CABIN1: variants seen among roughly 807,000 people sequenced by gnomAD.
CABIN1 encodes the protein calcineurin binding protein 1.
A neutral mutation model predicts 227.7 loss-of-function variants in CABIN1; 133 were observed. That is an observed-to-expected ratio of 0.58 (90% CI 0.51 to 0.67). The LOEUF (loss-of-function observed/expected upper bound fraction) is 0.67, where lower values mean the gene tolerates loss of function less well. Among genes scored for constraint, CABIN1 ranks in the 30% least tolerant of loss-of-function variants. The pLI is 0.00. For synonymous variants in CABIN1, 1,086 were observed against 1,155.1 expected (o/e 0.94, Z 1.21); for missense variants, 2,408 against 2,852.5 (o/e 0.84, Z 3.55).
intron 28 of CABIN1, among the ~76,000 whole-genome samples, chr22:24,120,497 T>C (rs2043346403): frequency 6.6e-6 from 1 of 152,146 alleles, no homozygotes; most frequent in South Asian, 2.1e-4. Flanking sequence ...CTGCACCATG[T>C]AGCTACATTC....
intron 28 of CABIN1, among the ~76,000 whole-genome samples, chr22:24,125,357 C>T (rs187399185): frequency 1.8e-3 from 271 of 152,340 alleles, no homozygotes; most frequent in Middle Eastern, 0.014. Context: ...TGAACCCCCA[C>T]CCCTTGCCCC....
At chr22:24,015,093 G>A (rs539324935) in intron 1 of CABIN1, among the ~76,000 whole-genome samples, 4 of 151,288 alleles carry the variant, frequency 2.6e-5, no homozygotes, top group South Asian at 4.2e-4. Flanking sequence ...GTGAAACCCC[G>A]TCTCTACTAA....
rs564863601 is a variant in CABIN1, at chr22:24,171,859, T to C, written c.5904T>C (p.Pro1968=). The change falls in exon 34 of 37, where the codon CCT becomes CCC. Residue 1968 remains proline, a synonymous_variant. Transcript: ENST00000263119. ...RPSDAHTKPR[P]ALAAATTIIT... ...GTGATGCTCACACCAAGCCTCGCCC[T>C]GCACTAGCTGCCGCCACAACTATTA... is the stretch of plus-strand genomic sequence containing the variant. 2.5e-6 allele frequency: 4 copies of C among 1,614,100 alleles called. No homozygotes were observed. In the East Asian group the frequency reaches 8.9e-5, roughly 36 times the overall value.
In CABIN1 at chr22:24,163,212, A is replaced by G. The variant is rs545929755; in HGVS notation, c.4747-1188A>G. ...CTGCAGGTGGACCCTCCATGTCACA[A>G]CAGGAGCCAGTGTAGAGGCCACAGG... On this transcript the variant is annotated intron_variant, in intron 29 of 36. Transcript: ENST00000263119. 9.3e-4 allele frequency among the ~76,000 whole-genome samples: 141 copies of G among 152,262 alleles called. 1 individual carries two copies. Among genetic ancestry groups the G allele is most frequent in the African/African-American group, 3.2e-3 (134 of 41,548 alleles).
intron 29 of CABIN1, among the ~76,000 whole-genome samples, chr22:24,150,208 C>T (rs561741810): frequency 9.2e-5 from 14 of 152,366 alleles, no homozygotes; most frequent in East Asian, 7.7e-4. Flanking sequence ...ATGAGCACCA[C>T]TTCCAGCTCT....
intron 30 of CABIN1, 59 bp from the exon 31 acceptor site, chr22:24,165,471 A>C (rs2046390664): frequency 6.9e-7 from 1 of 1,447,600 alleles, no homozygotes; most frequent in African/African-American, 1.4e-5. Flanking sequence ...ACCATCCAGC[A>C]GTGCCATGTG....
chr22:24,155,059 CAT>C (rs1392392674), intron 29 of CABIN1, among the ~76,000 whole-genome samples: 1 of 152,158 alleles, frequency 6.6e-6, no homozygotes, highest in East Asian at 1.9e-4. Context: ...CTTGGGGCAG[CAT>C]CTCTCTCACC....
At chr22:24,143,728 G>A (rs1356837015) in intron 29 of CABIN1, among the ~76,000 whole-genome samples, 4 of 152,166 alleles carry the variant, frequency 2.6e-5, no homozygotes, top group Non-Finnish European at 2.9e-5. Flanking sequence ...TAGCATGTCC[G>A]TGAGGCTTAG....
At chr22:24,168,109 A>G (rs1473751481) in intron 32 of CABIN1, among the ~76,000 whole-genome samples, 1 of 152,220 alleles carries the variant, frequency 6.6e-6, no homozygotes, top group African/African-American at 2.4e-5. Flanking sequence ...TAACTCAGCC[A>G]TAGAAATGAA....
At chr22:24,170,563 C>T (rs1388230769) in intron 33 of CABIN1, among the ~76,000 whole-genome samples, 3 of 152,188 alleles carry the variant, frequency 2.0e-5, no homozygotes, top group East Asian at 3.9e-4. Flanking sequence ...CCTCCTGCCC[C>T]GCACTCCCAC....
rs949518117 is a variant in CABIN1 at position 24,176,216 on chromosome 22, C to G, written c.6146C>G (p.Pro2049Arg). ...KMAPTSSPAE[P>R]HCWPAEAALG... is the part of the protein sequence containing the mutation. ...GCCCCCACAAGTTCCCCGGCAGAGC[C>G]ACACTGCTGGCCGGCAGAGGCTGCC... Residue 2049 changes from proline to arginine, a missense_variant, in exon 35 of 37, where the codon CCA becomes CGA. By Grantham distance (103) the Pro-to-Arg change is moderately radical. Around this residue, in one of 3 missense-constraint regions of CABIN1, gnomAD observed 714 missense variants for 773.8 expected, o/e 0.92. Coordinates refer to ENST00000263119, the MANE Select transcript of CABIN1 (RefSeq NM_012295.4). 8 of 1,610,572 alleles carry G rather than the reference C, an allele frequency of 5.0e-6. No homozygotes were observed. In the African/African-American group the frequency reaches 1.1e-4, roughly 22 times the overall value.
chr22:24,147,381 C>T lies in CABIN1; in HGVS notation c.4746+12966C>T, dbSNP rs1030051207. On this transcript the variant is annotated intron_variant, in intron 29 of 36. Transcript: ENST00000263119. ...CCTCCCTGCTTCCCTGCCTCCCTCCCTCCGTTCCTCCCTTCCTTCCTTCCC... is the reference window on the plus strand; with the variant it reads ...CCTCCCTGCTTCCCTGCCTCCCTCCTTCCGTTCCTCCCTTCCTTCCTTCCC... 6.1e-5 allele frequency among the ~76,000 whole-genome samples: 9 copies of T among 148,210 alleles called. 1 individual carries two copies. The highest frequency in any genetic ancestry group is 4.0e-4 in the East Asian group (2 of 4,988).
chr22:24,167,071 A>T lies in CABIN1; in HGVS notation c.5440A>T (p.Thr1814Ser). The T allele has an allele frequency of 6.5e-7, 1 of 1,543,766 alleles. No individual in the cohort carries two copies. Among genetic ancestry groups the T allele is most frequent in the South Asian group, 1.2e-5 (1 of 83,806 alleles). ...TGCCCGGCAGCAGCCCACCCCGCTC[A>T]CCCCAGCCCAGCCAGCCCCCGCCCC... ...ISARQQPTPL[T>S]PAQPAPAPAP... The change falls in exon 32 of 37, where the codon ACC becomes TCC. Residue 1814 changes from threonine (T) to serine (S), a missense_variant. By Grantham distance (58) the Thr-to-Ser change is moderately conservative. Transcript: ENST00000263119.
intron 1 of CABIN1, among the ~76,000 whole-genome samples, chr22:24,011,920 G>A (rs1339802979): frequency 6.6e-6 from 1 of 152,206 alleles, no homozygotes; most frequent in Non-Finnish European, 1.5e-5. Context: ...CAAGGTATCT[G>A]CACAAGTGGC....
At position 24,098,099 on chromosome 22, in the gene CABIN1, G is replaced by C; in HGVS notation, c.4024G>C (p.Gly1342Arg). The change falls in exon 26 of 37, where the codon GGC becomes CGC. Residue 1342 changes from glycine (G) to arginine (R), a missense_variant. Physicochemically the swap from Gly to Arg is moderately radical, Grantham distance 125 (BLOSUM62 -2). Around this residue, in one of 3 missense-constraint regions of CABIN1, gnomAD observed 649 missense variants for 910.3 expected, o/e 0.71. Coordinates refer to ENST00000263119, the MANE Select transcript of CABIN1 (RefSeq NM_012295.4). ...CGGAGCCTCCCTCCCCTCCTCCTCT[G>C]GCCCAGGTCTGACATCCCCACCTTA... Reference protein sequence around the residue: ...GPGASLPSSSGPGLTSPPYTA... With the variant: ...GPGASLPSSSRPGLTSPPYTA... The C allele has an allele frequency of 6.2e-7, 1 of 1,614,104 alleles. No homozygotes were observed. The highest frequency in any genetic ancestry group is 2.2e-5 in the East Asian group (1 of 44,884).
rs1195224584 is a variant in CABIN1 at position 24,168,525 on chromosome 22, A to G, written c.5757+4A>G. 6.4e-7 allele frequency: 1 copy of G among 1,552,838 alleles called. No homozygotes were observed. The highest frequency in any genetic ancestry group is 2.4e-5 in the East Asian group (1 of 41,156). ...TGGGGCTGCCGCCCAGAGACAGGTA[A>G]GCCCAATTTAGCCTGTGCCAGCCTC... On this transcript the variant is annotated splice_donor_region_variant and intron_variant, in intron 33 of 36. Transcript: ENST00000263119.
At chr22:24,043,561 G>A (rs2037608152) in intron 6 of CABIN1, among the ~76,000 whole-genome samples, 1 of 151,988 alleles carries the variant, frequency 6.6e-6, no homozygotes, top group Non-Finnish European at 1.5e-5. Context: ...AGACCAGCCT[G>A]GGCAACATGG....
intron 6 of CABIN1, among the ~76,000 whole-genome samples, chr22:24,045,367 A>G (rs577234364): frequency 6.6e-6 from 1 of 151,900 alleles, no homozygotes; most frequent in South Asian, 2.1e-4. Context: ...TAGTCCCAAC[A>G]CTCTAGGAGG....
chr22:24,064,656 C>T (rs2146514226), intron 15 of CABIN1, among the ~76,000 whole-genome samples: 1 of 151,010 alleles, frequency 6.6e-6, no homozygotes, highest in East Asian at 1.9e-4. Flanking sequence ...AGGCAGAGGA[C>T]CCTGCGGCCT....
Sources: allele counts gnomAD v4.1 joint callset (sites outside exome capture counted in the v4.1 genomes callset), GRCh38; gene constraint gnomAD v4.1.1; regional missense constraint gnomAD v4.1.1; transcripts MANE v1.5; gene names NCBI Gene and HGNC (gene_info 2026-07-23, HGNC 2026-07-21).